The following ERC2 variants were observed in gnomAD, a reference collection of about 807,000 sequenced individuals.
The protein encoded by ERC2 is ERC protein 2.
Under a neutral mutation model 114.8 loss-of-function variants are expected in ERC2, and 42 were observed. The observed-to-expected ratio is 0.37, with a 90% confidence interval of 0.29 to 0.47. The LOEUF is 0.47. Ranked by LOEUF, ERC2 falls within the 20% of genes least tolerant of loss-of-function variation. The probability of loss-of-function intolerance (pLI) is 0.99; values close to 1 mark genes in which losing one functional copy is unlikely to be tolerated. For missense variants in ERC2, 939 were observed against 1,150.7 expected (o/e 0.82, Z 2.66); for synonymous variants, 454 against 425.5 (o/e 1.07, Z -0.82).
chr3:56,242,259 T>A (rs892159657), intron 3 of ERC2, among the ~76,000 whole-genome samples: 1 of 151,980 alleles, frequency 6.6e-6, no homozygotes, highest in Non-Finnish European at 1.5e-5. Context: ...AAGTGGGAGG[T>A]AAGCTATGAG....
chr3:55,710,200 G>A (rs1472324560), intron 15 of ERC2, among the ~76,000 whole-genome samples: 1 of 152,016 alleles, frequency 6.6e-6, no homozygotes, highest in African/African-American at 2.4e-5. Context: ...CTCCACTCAG[G>A]ATAGAAGGTC....
intron 2 of ERC2, among the ~76,000 whole-genome samples, chr3:56,424,145 A>G (rs2061483498): frequency 6.6e-6 from 1 of 152,188 alleles, no homozygotes; most frequent in African/African-American, 2.4e-5. Flanking sequence ...AGCGAACAAC[A>G]GTGAATATTT....
intron 2 of ERC2, among the ~76,000 whole-genome samples, chr3:56,343,192 T>TCTCTCTCTCTCTCTCTCTCACACA (rs1376220124): frequency 7.9e-6 from 1 of 126,130 alleles, no homozygotes; most frequent in African/African-American, 3.0e-5. Flanking sequence ...TCTCTCTCTC[T>TCTCTCTCTCTCTCTCTCTCACACA]CACACACACA....
chr3:56,416,681 A>C (rs1249171126), intron 2 of ERC2, among the ~76,000 whole-genome samples: 2 of 147,572 alleles, frequency 1.4e-5, no homozygotes, highest in East Asian at 2.0e-4. Context: ...AAAAAAAAAA[A>C]CTCCTGATCT....
intron 15 of ERC2, among the ~76,000 whole-genome samples, chr3:55,732,323 T>A (rs2065303005): frequency 6.6e-6 from 1 of 152,232 alleles, no homozygotes; most frequent in Non-Finnish European, 1.5e-5. Flanking sequence ...TGATTTTTCC[T>A]GCTCTTTGGT....
chr3:56,004,443 G>A (rs1312285729), intron 10 of ERC2, among the ~76,000 whole-genome samples: 2 of 152,016 alleles, frequency 1.3e-5, no homozygotes, highest in Non-Finnish European at 2.9e-5. Flanking sequence ...GTATAAGGGA[G>A]TTCCTTTTCT....
intron 4 of ERC2, 122 bp downstream of exon 4, chr3:56,173,322 TAA>T: frequency 1.2e-6 from 1 of 866,108 alleles, no homozygotes; most frequent in South Asian, 1.5e-5. Flanking sequence ...AATCCAGAAG[TAA>T]AGCATCCAGC....
intron 15 of ERC2, among the ~76,000 whole-genome samples, chr3:55,726,356 AG>A (rs2064915865): frequency 1.3e-5 from 2 of 152,198 alleles, no homozygotes; most frequent in Admixed American, 6.5e-5. Flanking sequence ...TGAACCATAA[AG>A]GGTAATTAAA....
At chr3:55,981,154 C>G (rs757317300) in intron 12 of ERC2, among the ~76,000 whole-genome samples, 1 of 152,224 alleles carries the variant, frequency 6.6e-6, no homozygotes, top group Non-Finnish European at 1.5e-5. Flanking sequence ...ATAGAACCCA[C>G]TTTATGTCTG....
At chr3:55,984,845 C>T (rs1023883) in intron 12 of ERC2, among the ~76,000 whole-genome samples, 75,371 of 151,866 alleles carry the variant, frequency 0.5, 18,935 homozygotes, top group Middle Eastern at 0.61. Context: ...GGACTATGAG[C>T]CACCAGGATT....
chr3:55,707,691 T>C (rs1278048826), intron 15 of ERC2, among the ~76,000 whole-genome samples: 2 of 152,256 alleles, frequency 1.3e-5, no homozygotes, highest in Non-Finnish European at 2.9e-5. Flanking sequence ...TGGCCCTTGC[T>C]GTGTGAACAA....
chr3:55,547,612 G>A (rs562422064), intron 17 of ERC2, among the ~76,000 whole-genome samples: 7 of 152,290 alleles, frequency 4.6e-5, no homozygotes, highest in Admixed American at 3.3e-4. Flanking sequence ...ACCCCCAGCC[G>A]TAGGAGAGCT....
intron 3 of ERC2, among the ~76,000 whole-genome samples, chr3:56,220,070 G>A (rs950672034): frequency 2.6e-5 from 4 of 152,180 alleles, no homozygotes; most frequent in Admixed American, 6.5e-5. Flanking sequence ...AGATGCCTCT[G>A]AATGGCACAA....
rs141764913 is a variant in ERC2, at chr3:55,766,349, A to ATTGAT, written c.2565-31432_2565-31431insATCAA. 7.4e-3 allele frequency among the ~76,000 whole-genome samples: 1,121 copies of ATTGAT among 151,456 alleles called. 20 individuals are homozygous for ATTGAT. The highest frequency in any genetic ancestry group is 0.026 in the African/African-American group (1,080 of 41,324). On this transcript the variant is annotated intron_variant, in intron 14 of 17. Coordinates refer to ENST00000288221, the MANE Select transcript of ERC2 (RefSeq NM_015576.3). The stretch of plus-strand genomic sequence containing the variant: ...AGACGTATCAGTTTGTAGGTGATTT[A>ATTGAT]TTATTTTTATTTTATTTATTTATTT...
chr3:56,350,563 T>A (rs1244766590), intron 2 of ERC2, among the ~76,000 whole-genome samples: 1 of 152,036 alleles, frequency 6.6e-6, no homozygotes, highest in African/African-American at 2.4e-5. Context: ...GATATATATA[T>A]ATATATACAG....
intron 4 of ERC2, among the ~76,000 whole-genome samples, 170 bp downstream of exon 4, chr3:56,173,276 G>A (rs2082779057): frequency 6.6e-6 from 1 of 151,984 alleles, no homozygotes; most frequent in Non-Finnish European, 1.5e-5. Context: ...CTAATTAAAG[G>A]ACCAATACAT....
chr3:56,097,568 G>T (rs1258069226), intron 6 of ERC2, among the ~76,000 whole-genome samples: 2 of 152,070 alleles, frequency 1.3e-5, no homozygotes, highest in Non-Finnish European at 1.5e-5. Context: ...TTACTCTTGA[G>T]GCAGTGGTTT....
rs188411679 is a variant in ERC2, at chr3:56,384,382, A to G, written c.657+49969T>C. Among the ~76,000 whole-genome samples the G allele has an allele frequency of 1.5e-3, 235 of 152,282 alleles. 1 individual carries two copies. The highest frequency in any genetic ancestry group is 1.0e-3 in the Non-Finnish European group (68 of 68,002). Reference sequence around the variant, plus strand: ...CAACACTTGCTATTTTGTTTTTTGTAATAGCCATCTTAATGGGTATAAAGT... The same window carrying G: ...CAACACTTGCTATTTTGTTTTTTGTGATAGCCATCTTAATGGGTATAAAGT... On this transcript the variant is annotated intron_variant, in intron 2 of 17. Transcript: ENST00000288221.
intron 7 of ERC2, among the ~76,000 whole-genome samples, chr3:56,032,917 A>AAGAAAGAAAGAGAGAGAGAGAC (rs2074482733): frequency 9.2e-5 from 7 of 76,042 alleles, no homozygotes; most frequent in Non-Finnish European, 2.0e-4. Context: ...GAAAGAAAGA[A>AAGAAAGAAAGAGAGAGAGAGAC]AGAAAGAAAG....
Sources: allele counts gnomAD v4.1 joint callset (sites outside exome capture counted in the v4.1 genomes callset), GRCh38; gene constraint gnomAD v4.1.1; transcripts MANE v1.5; gene names NCBI Gene and HGNC (gene_info 2026-07-23, HGNC 2026-07-21).